The following SAMD12 variants were observed in gnomAD, a reference collection of about 807,000 sequenced individuals.
The protein encoded by SAMD12 is sterile alpha motif domain-containing protein 12.
SAMD12 carries 9 observed loss-of-function variants against 15.0 expected under a neutral mutation model. The observed-to-expected ratio is 0.60, with a 90% confidence interval of 0.36 to 1.05. The LOEUF (loss-of-function observed/expected upper bound fraction) is 1.05, where lower values mean the gene tolerates loss of function less well. SAMD12 is among the 50% of genes least tolerant of loss of function. The pLI is 0.01. For missense variants in SAMD12, 230 were observed against 234.2 expected (o/e 0.98, Z 0.12); for synonymous variants, 86 against 90.1 (o/e 0.96, Z 0.25).
At chr8:118,212,078 G>GTGTGTGTGTGTT (rs112435036) in intron 4 of SAMD12, among the ~76,000 whole-genome samples, 7,332 of 150,900 alleles carry the variant, frequency 0.049, 250 homozygotes, top group Non-Finnish European at 0.07. Flanking sequence ...GTGTGTGTGT[G>GTGTGTGTGTGTT]TGTGTTTGTG....
intron 2 of SAMD12, among the ~76,000 whole-genome samples, chr8:118,456,584 G>A (rs1306011319): frequency 6.6e-6 from 1 of 152,170 alleles, no homozygotes; most frequent in Admixed American, 6.5e-5. Context: ...CCATGTATCT[G>A]TTCCTGTTCC....
At chr8:118,543,120 C>T (rs991231946) in intron 2 of SAMD12, among the ~76,000 whole-genome samples, 5 of 152,046 alleles carry the variant, frequency 3.3e-5, no homozygotes, top group African/African-American at 1.2e-4. Context: ...GTTCCCTCTC[C>T]AAAGAAAATT....
At chr8:118,599,630 T>C (rs1346965683) in intron 1 of SAMD12, among the ~76,000 whole-genome samples, 3 of 152,202 alleles carry the variant, frequency 2.0e-5, no homozygotes, top group Non-Finnish European at 4.4e-5. Context: ...AAAGTCTTTA[T>C]GGTTCAGGTG....
intron 3 of SAMD12, among the ~76,000 whole-genome samples, chr8:118,433,412 C>CTTTTTTTTTTTTTTTTT (rs67140443): frequency 6.7e-6 from 1 of 148,192 alleles, no homozygotes. Context: ...TTGAAAGGGT[C>CTTTTTTTTTTTTTTTTT]TTTTTTTTTT....
chr8:118,269,818 C>T (rs947272327), intron 4 of SAMD12, among the ~76,000 whole-genome samples: 2 of 152,068 alleles, frequency 1.3e-5, no homozygotes, highest in East Asian at 3.9e-4. Flanking sequence ...CACCTGCACC[C>T]CCCTTCCTTC....
chr8:118,292,597 C>A (rs1040451483), intron 4 of SAMD12, among the ~76,000 whole-genome samples: 1 of 151,892 alleles, frequency 6.6e-6, no homozygotes, highest in African/African-American at 2.4e-5. Context: ...AAGACACATG[C>A]ACACGTATGT....
At chr8:118,484,839 T>G (rs951046696) in intron 2 of SAMD12, among the ~76,000 whole-genome samples, 16 of 152,224 alleles carry the variant, frequency 1.1e-4, no homozygotes, top group African/African-American at 3.9e-4. Flanking sequence ...CTCTAAAATG[T>G]CACACTCTTC....
intron 2 of SAMD12, among the ~76,000 whole-genome samples, chr8:118,443,840 T>C (rs1055375518): frequency 1.3e-5 from 2 of 152,192 alleles, no homozygotes; most frequent in African/African-American, 4.8e-5. Context: ...CTACCAAATG[T>C]TGGGAGTGAA....
intron 2 of SAMD12, among the ~76,000 whole-genome samples, chr8:118,492,801 G>A (rs1294811603): frequency 2.0e-5 from 3 of 152,226 alleles, no homozygotes; most frequent in Non-Finnish European, 2.9e-5. Flanking sequence ...TTCAAATTAC[G>A]ATATATAAAC....
intron 2 of SAMD12, among the ~76,000 whole-genome samples, chr8:118,491,968 C>T (rs1024438092): frequency 3.9e-5 from 6 of 152,080 alleles, no homozygotes; most frequent in Non-Finnish European, 1.5e-5. Flanking sequence ...GTGGTAGAAT[C>T]GCTGAGTCAC....
At chr8:118,559,544 C>T (rs1563584373) in intron 2 of SAMD12, among the ~76,000 whole-genome samples, 1 of 152,166 alleles carries the variant, frequency 6.6e-6, no homozygotes, top group African/African-American at 2.4e-5. Context: ...TTTTATCTAG[C>T]ATTTCTTGAA....
intron 4 of SAMD12, among the ~76,000 whole-genome samples, chr8:118,354,630 A>G (rs1295093322): frequency 6.6e-6 from 1 of 152,192 alleles, no homozygotes; most frequent in Non-Finnish European, 1.5e-5. Context: ...AGTCACACTG[A>G]CCACAACTCA....
the SAMD12 span, among the ~76,000 whole-genome samples, chr8:118,169,181 T>C: frequency 6.6e-6 from 1 of 152,172 alleles, no homozygotes; most frequent in Non-Finnish European, 1.5e-5. Context: ...AACCTGTACA[T>C]GTACCCCCTG....
At chr8:118,274,042 C>T (rs1813423224) in intron 4 of SAMD12, among the ~76,000 whole-genome samples, 1 of 152,106 alleles carries the variant, frequency 6.6e-6, no homozygotes, top group African/African-American at 2.4e-5. Flanking sequence ...AAATTACAGG[C>T]TGATATCATT....
intron 4 of SAMD12, among the ~76,000 whole-genome samples, chr8:118,302,284 C>T (rs1815087347): frequency 6.6e-6 from 1 of 151,934 alleles, no homozygotes; most frequent in Non-Finnish European, 1.5e-5. Context: ...ACAGTAGCAT[C>T]TCGAATTTGT....
At chr8:118,440,457 C>T (rs1206424668) in intron 2 of SAMD12, among the ~76,000 whole-genome samples, 2 of 152,028 alleles carry the variant, frequency 1.3e-5, no homozygotes, top group African/African-American at 4.8e-5. Flanking sequence ...TGCAAGTCTG[C>T]CTGGGGGCTC....
intron 2 of SAMD12, among the ~76,000 whole-genome samples, chr8:118,516,294 A>G (rs1389283223): frequency 1.3e-5 from 2 of 152,254 alleles, no homozygotes; most frequent in Non-Finnish European, 2.9e-5. Flanking sequence ...ACTATCTAAA[A>G]ACTGCTTTAC....
chr8:118,586,257 TTC>T (rs1328372087), intron 1 of SAMD12, among the ~76,000 whole-genome samples: 1 of 152,234 alleles, frequency 6.6e-6, no homozygotes, highest in Non-Finnish European at 1.5e-5. Flanking sequence ...ATATTAATTT[TTC>T]TCTTTTTTCT....
At chr8:118,347,697 A>G (rs1224167032) in intron 4 of SAMD12, among the ~76,000 whole-genome samples, 4 of 152,242 alleles carry the variant, frequency 2.6e-5, no homozygotes, top group Non-Finnish European at 5.9e-5. Flanking sequence ...CAAATGTTCT[A>G]CAGAATACAA....
Sources: allele counts gnomAD v4.1 joint callset (sites outside exome capture counted in the v4.1 genomes callset), GRCh38; gene constraint gnomAD v4.1.1; transcripts MANE v1.5; gene names NCBI Gene and HGNC (gene_info 2026-07-23, HGNC 2026-07-21).